The following OSBPL3 variants were observed in gnomAD, a reference collection of about 807,000 sequenced individuals.
The protein encoded by OSBPL3 is oxysterol-binding protein-related protein 3.
A neutral mutation model predicts 120.1 loss-of-function variants in OSBPL3; 65 were observed. The observed-to-expected ratio is 0.54, with a 90% CI of 0.44 to 0.67. OSBPL3 has a LOEUF of 0.67. OSBPL3 is among the 30% of genes least tolerant of loss of function. The pLI, the probability that OSBPL3 is intolerant of heterozygous loss-of-function variation, is 0.00. For synonymous variants in OSBPL3, 416 were observed against 402.6 expected, an observed-to-expected ratio of 1.03 and a Z score of -0.40; for missense variants, 1,004 against 1,082.1, an observed-to-expected ratio of 0.93 and a Z score of 1.01.
chr7:24,948,686 T>C (rs1814032779), intron 1 of OSBPL3, among the ~76,000 whole-genome samples: 1 of 152,240 alleles, frequency 6.6e-6, no homozygotes, highest in African/African-American at 2.4e-5. Flanking sequence ...CTTTACTTGG[T>C]ATTTGTCTAC....
rs1205252592 is a variant in OSBPL3, at chr7:24,966,502, G to C, written c.-150+13384C>G. 2.6e-5 allele frequency among the ~76,000 whole-genome samples: 4 copies of C among 152,190 alleles called. No homozygotes were observed. The highest frequency in any genetic ancestry group is 6.5e-5 in the Admixed American group (1 of 15,286). Reference sequence around the variant, plus strand: ...TGTTATTTTGCCCCACGCGATCAAAGACTAGAAAAACAGGAATTACAAGTC... The same window carrying C: ...TGTTATTTTGCCCCACGCGATCAAACACTAGAAAAACAGGAATTACAAGTC... On this transcript the variant is annotated intron_variant, in intron 1 of 22. Coordinates refer to ENST00000313367, the MANE Select transcript of OSBPL3 (RefSeq NM_015550.4). This position sits in a 1 kb window ranked among gnomAD's most constrained non-coding sequence, Gnocchi z 4.8.
Position 24,799,043 on chromosome 7 carries a change from T to C in OSBPL3, c.*1140A>G, listed in dbSNP as rs1792007383. 1.3e-5 allele frequency: 2 copies of C among 152,540 alleles called. No individual in the cohort carries two copies. Among genetic ancestry groups the C allele is most frequent in the African/African-American group, 4.8e-5 (2 of 41,414 alleles). 9.4% of individuals were successfully genotyped at this position (152,540 alleles called of 1,614,324 possible). A position where few individuals can be genotyped will look rare whatever the true frequency, so the allele number is the denominator to read the frequency against. ...GAATGATATGGATAACAAGAAAGTA[T>C]AGGAAAGGGGTAAGACACTCACTTA... On this transcript the variant is annotated 3_prime_UTR_variant, in exon 23 of 23. Coordinates refer to ENST00000313367, the MANE Select transcript of OSBPL3 (RefSeq NM_015550.4). The surrounding 1 kb of genome is among the most constrained non-coding windows in gnomAD (Gnocchi z 5.3).
intron 1 of OSBPL3, chr7:24,906,222 C>A: frequency 7.8e-6 from 2 of 255,254 alleles, no homozygotes; most frequent in East Asian, 1.1e-4. Context: ...TGTGACCTCC[C>A]ATGGCAGCCT....
rs1193073856 is a variant in OSBPL3 at position 24,972,931 on chromosome 7, G to A, written c.-150+6955C>T. ...GAAACCAGTGTGGGAATCTTTACAAGTACTACATTTTAATACATATTTGGA... is the reference window on the plus strand; with the variant it reads ...GAAACCAGTGTGGGAATCTTTACAAATACTACATTTTAATACATATTTGGA... On this transcript the variant is annotated intron_variant, in intron 1 of 22. Coordinates refer to ENST00000313367, the MANE Select transcript of OSBPL3 (RefSeq NM_015550.4). This position sits in a 1 kb window ranked among gnomAD's most constrained non-coding sequence, Gnocchi z 4.3. Among the ~76,000 whole-genome samples, 1 of 152,076 alleles carries A rather than the reference G, an allele frequency of 6.6e-6. No individual in the cohort carries two copies. Among genetic ancestry groups the A allele is most frequent in the Non-Finnish European group, 1.5e-5 (1 of 68,024 alleles).
chr7:24,980,133 G>GC lies in OSBPL3; in HGVS notation c.-398dup. The GC allele has an allele frequency of 1.3e-6, 1 of 784,968 alleles. No homozygotes were observed. The highest frequency in any genetic ancestry group is 1.5e-6 in the Non-Finnish European group (1 of 646,824). 48.6% of individuals were successfully genotyped at this position (784,968 alleles called of 1,614,324 possible). On this transcript the variant is annotated 5_prime_UTR_variant, in exon 1 of 23. Transcript: ENST00000313367. ...CCCTCTCCCGGGCCGGCTGGCGGGC[G>GC]CCACCAGCACGCGGCCAGTTCTGAG... is the stretch of plus-strand genomic sequence containing the variant.
At chr7:24,897,389 G>A (rs1364958804) in intron 1 of OSBPL3, among the ~76,000 whole-genome samples, 23 of 143,414 alleles carry the variant, frequency 1.6e-4, no homozygotes, top group East Asian at 6.3e-4. Context: ...GCAGTGGCGC[G>A]ATCTCGGCTC....
rs988246511 is a variant in OSBPL3, at chr7:24,835,576, G to A, written c.1496-840C>T. 6.6e-6 allele frequency among the ~76,000 whole-genome samples: 1 copy of A among 151,926 alleles called. No individual in the cohort carries two copies. The highest frequency in any genetic ancestry group is 2.4e-5 in the African/African-American group (1 of 41,354). On this transcript the variant is annotated intron_variant, in intron 14 of 22. Coordinates refer to ENST00000313367, the MANE Select transcript of OSBPL3 (RefSeq NM_015550.4). This position sits in a 1 kb window ranked among gnomAD's most constrained non-coding sequence, Gnocchi z 4.8. ...TCCCATTACTGACTATATACCCAAA[G>A]GAATATATATTGTTCTACCATAAAG...
At position 24,871,742 on chromosome 7, in the gene OSBPL3, A is replaced by T. The variant is rs777706625; in HGVS notation, c.267T>A (p.Asp89Glu). 1.9e-6 allele frequency: 3 copies of T among 1,611,240 alleles called. No homozygotes were observed. The highest frequency in any genetic ancestry group is 2.5e-6 in the Non-Finnish European group (3 of 1,177,466). ...GILKYAKSQTDIEREKLHGCI... is the reference protein window; with the variant it reads ...GILKYAKSQTEIEREKLHGCI... ...ACAGTGGGCCCACAAAAAGACTTAC[A>T]TCGGTTTGGCTCTTGGCATATTTCA... Residue 89 changes from aspartate to glutamate, a missense_variant and splice_region_variant, in exon 4 of 23, where the codon GAT becomes GAA. By Grantham distance (45) the Asp-to-Glu change is conservative. Coordinates refer to ENST00000313367, the MANE Select transcript of OSBPL3 (RefSeq NM_015550.4). This position sits in a 1 kb window ranked among gnomAD's most constrained non-coding sequence, Gnocchi z 4.8.
Position 24,870,753 on chromosome 7 carries a change from C to G in OSBPL3, c.360G>C (p.Glu120Asp). The change falls in exon 5 of 23, where the codon GAG (glutamate) becomes GAC (aspartate). Residue 120 changes from glutamate to aspartate, a missense_variant. Around this residue, in one of 4 missense-constraint regions of OSBPL3, gnomAD observed 255 missense variants for 248.7 expected, o/e 1.03. Transcript: ENST00000313367. ...TCACCTTCAGATGGTAGATGTGCTCCTCGGTGTCAAGGTCTATGCATTTTG... is the reference window on the plus strand; with the variant it reads ...TCACCTTCAGATGGTAGATGTGCTCGTCGGTGTCAAGGTCTATGCATTTTG... ...KSSKCIDLDT[E>D]EHIYHLKVKS... 2 of 1,609,026 alleles carry G rather than the reference C, an allele frequency of 1.2e-6. No individual in the cohort carries two copies. Among genetic ancestry groups the G allele is most frequent in the Non-Finnish European group, 1.7e-6 (2 of 1,175,298 alleles).
Position 24,896,511 on chromosome 7 carries a change from T to C in OSBPL3, c.-149-3890A>G, listed in dbSNP as rs1806157455. 6.6e-6 allele frequency among the ~76,000 whole-genome samples: 1 copy of C among 152,206 alleles called. No homozygotes were observed. Among genetic ancestry groups the C allele is most frequent in the African/African-American group, 2.4e-5 (1 of 41,452 alleles). ...TCTACCCAGAATGGGGAAGAATAAA[T>C]GACCAACGCACTGTCAAGTATTTTG... On this transcript the variant is annotated intron_variant, in intron 1 of 22. Transcript: ENST00000313367. This position sits in a 1 kb window ranked among gnomAD's most constrained non-coding sequence, Gnocchi z 4.4.
Position 24,899,277 on chromosome 7 carries a change from C to T in OSBPL3, c.-149-6656G>A, listed in dbSNP as rs1806635096. Among the ~76,000 whole-genome samples, 1 of 152,148 alleles carries T rather than the reference C, an allele frequency of 6.6e-6. No homozygotes were observed. Among genetic ancestry groups the T allele is most frequent in the South Asian group, 2.1e-4 (1 of 4,834 alleles). Reference sequence around the variant, plus strand: ...AGAAGGCAATGACAATCTTCCTGGCCTCAACCACACTGCAACTGTTAATAC... The same window carrying T: ...AGAAGGCAATGACAATCTTCCTGGCTTCAACCACACTGCAACTGTTAATAC... On this transcript the variant is annotated intron_variant, in intron 1 of 22. Transcript: ENST00000313367. This position sits in a 1 kb window ranked among gnomAD's most constrained non-coding sequence, Gnocchi z 4.0.
At chr7:24,828,949 T>C (rs1796053996) in intron 16 of OSBPL3, among the ~76,000 whole-genome samples, 2 of 152,172 alleles carry the variant, frequency 1.3e-5, no homozygotes, top group Non-Finnish European at 2.9e-5. Context: ...AATGCTGAGT[T>C]ATGTAACCCT....
chr7:24,889,269 T>C (rs1481392985), intron 2 of OSBPL3, among the ~76,000 whole-genome samples: 1 of 152,212 alleles, frequency 6.6e-6, no homozygotes, highest in Non-Finnish European at 1.5e-5. Flanking sequence ...AAATGCTGCA[T>C]GATTTCACTT....
At chr7:24,829,703 G>T (rs1349891534) in intron 16 of OSBPL3, among the ~76,000 whole-genome samples, 1 of 152,084 alleles carries the variant, frequency 6.6e-6, no homozygotes, top group African/African-American at 2.4e-5. Context: ...TAACAAGGTG[G>T]GAGAGGGTGT....
intron 19 of OSBPL3, among the ~76,000 whole-genome samples, chr7:24,812,432 T>C (rs1476209093): frequency 6.6e-6 from 1 of 152,136 alleles, no homozygotes; most frequent in Admixed American, 6.5e-5. Flanking sequence ...TGCACTCTAT[T>C]CTGCTCAGTT....
chr7:24,835,416 A>G lies in OSBPL3; in HGVS notation c.1496-680T>C, dbSNP rs1437814613. ...GCAATTACTAAAAAGTCAAAAAATA[A>G]CATGCTGGTGAGGCTGCAGAGAAAA... is the stretch of plus-strand genomic sequence containing the variant. On this transcript the variant is annotated intron_variant, in intron 14 of 22. Coordinates refer to ENST00000313367, the MANE Select transcript of OSBPL3 (RefSeq NM_015550.4). The surrounding 1 kb of genome is among the most constrained non-coding windows in gnomAD (Gnocchi z 4.8). 6.6e-6 allele frequency among the ~76,000 whole-genome samples: 1 copy of G among 152,196 alleles called. No individual in the cohort carries two copies. The highest frequency in any genetic ancestry group is 1.5e-5 in the Non-Finnish European group (1 of 68,028).
chr7:24,930,705 A>AAATGATTAT lies in OSBPL3; in HGVS notation c.-149-38093_-149-38085dup. On this transcript the variant is annotated intron_variant, in intron 1 of 22. Coordinates refer to ENST00000313367, the MANE Select transcript of OSBPL3 (RefSeq NM_015550.4). This position sits in a 1 kb window ranked among gnomAD's most constrained non-coding sequence, Gnocchi z 4.4. The stretch of plus-strand genomic sequence containing the variant: ...GAAAGTTATGGTCCAGTCTTTCCAG[A>AAATGATTAT]AATGATTATATGGTTTTGCACAGTC... Among the ~76,000 whole-genome samples the AAATGATTAT allele has an allele frequency of 6.6e-6, 1 of 152,322 alleles. No individual in the cohort carries two copies. Among genetic ancestry groups the AAATGATTAT allele is most frequent in the East Asian group, 1.9e-4 (1 of 5,174 alleles).
chr7:24,870,695 A>G, intron 5 of OSBPL3, 37 bp downstream of exon 5: 1 of 1,270,342 alleles, frequency 7.9e-7, no homozygotes, highest in East Asian at 2.3e-5. Context: ...TACTTCCCCA[A>G]CATAAGTGAA....
intron 10 of OSBPL3, among the ~76,000 whole-genome samples, chr7:24,860,811 G>C (rs1287352496): frequency 1.3e-5 from 2 of 152,138 alleles, no homozygotes; most frequent in African/African-American, 2.4e-5. Flanking sequence ...ACCACAGTTT[G>C]TTTAACCATT....
Sources: gnomAD v4.1 joint callset for allele counts (sites outside exome capture counted in the v4.1 genomes callset) on GRCh38, gnomAD v4.1.1 for gene constraint, gnomAD v4.1.1 regional missense constraint, Gnocchi (gnomAD v3.1) non-coding constraint, MANE v1.5 for transcripts, NCBI Gene and HGNC (gene_info 2026-07-23, HGNC 2026-07-21) for gene names.